ADAM23: variants seen among roughly 807,000 people sequenced by gnomAD.
ADAM23 encodes the protein ADAM metallopeptidase domain 23.
Under a neutral mutation model 120.1 loss-of-function variants are expected in ADAM23, and 33 were observed. That is an observed-to-expected ratio of 0.27 (90% CI 0.21 to 0.37). The LOEUF (loss-of-function observed/expected upper bound fraction) is 0.37, where lower values mean the gene tolerates loss of function less well. Ranked by LOEUF, ADAM23 falls within the 10% of genes least tolerant of loss-of-function variation. The pLI is 1.00. For synonymous variants in ADAM23, 367 were observed against 375.2 expected, an observed-to-expected ratio of 0.98 and a Z score of 0.25; for missense variants, 862 against 1,058.2, an observed-to-expected ratio of 0.81 and a Z score of 2.57.
chr2:206,566,125 T>G (rs1486429590), intron 14 of ADAM23, among the ~76,000 whole-genome samples: 1 of 151,136 alleles, frequency 6.6e-6, no homozygotes, highest in African/African-American at 2.4e-5. Flanking sequence ...GGGAGATGTC[T>G]TCTGTCTTCT....
At chr2:206,518,905 T>A (rs574222374) in intron 3 of ADAM23, among the ~76,000 whole-genome samples, 2 of 152,358 alleles carry the variant, frequency 1.3e-5, no homozygotes, top group South Asian at 4.1e-4. Context: ...ACAAAGCATG[T>A]ATCAAATAGA....
intron 21 of ADAM23, 107 bp downstream of exon 21, chr2:206,589,621 C>G (rs868681496): frequency 1.2e-6 from 1 of 823,032 alleles, no homozygotes. Flanking sequence ...TAAGTGTTCA[C>G]CATTCCAAAA....
chr2:206,553,420 A>G (rs571032427), intron 9 of ADAM23, among the ~76,000 whole-genome samples: 41 of 152,312 alleles, frequency 2.7e-4, no homozygotes, highest in Non-Finnish European at 5.4e-4. Context: ...TGGGCGACAG[A>G]GTGAGACTCC....
At chr2:206,581,616 A>G (rs1228714739) in intron 18 of ADAM23, among the ~76,000 whole-genome samples, 1 of 152,126 alleles carries the variant, frequency 6.6e-6, no homozygotes, top group Admixed American at 6.6e-5. Context: ...TCTTAAATTT[A>G]TTGAGGCTTG....
chr2:206,454,360 TG>T (rs1160611060), intron 2 of ADAM23, among the ~76,000 whole-genome samples: 1 of 152,132 alleles, frequency 6.6e-6, no homozygotes, highest in African/African-American at 2.4e-5. Flanking sequence ...GAGAACAGCA[TG>T]GGGCAGTCTG....
chr2:206,595,625 A>G (rs925152915), intron 23 of ADAM23, among the ~76,000 whole-genome samples: 24 of 152,166 alleles, frequency 1.6e-4, no homozygotes, highest in African/African-American at 5.6e-4. Flanking sequence ...TTTTGAGCCC[A>G]CTGTCTATTA....
intron 2 of ADAM23, among the ~76,000 whole-genome samples, chr2:206,461,855 TG>T (rs1264625916): frequency 6.6e-6 from 1 of 152,138 alleles, no homozygotes; most frequent in Non-Finnish European, 1.5e-5. Flanking sequence ...GCATGTTAGA[TG>T]GAGAGTAGGA....
Position 206,478,408 on chromosome 2 carries a change from G to GT in ADAM23, c.433-2814dup, listed in dbSNP as rs564014244. On this transcript the variant is annotated intron_variant, in intron 2 of 25. Coordinates refer to ENST00000264377, the MANE Select transcript of ADAM23 (RefSeq NM_003812.4). ...TTACTGATAAAGGTAATAAAATCAG[G>GT]TTTTTTTTTTCCTATGGATAAACAG... Among the ~76,000 whole-genome samples, 1,381 of 149,208 alleles carry GT rather than the reference G, an allele frequency of 9.3e-3. 8 individuals are homozygous for GT. The highest frequency in any genetic ancestry group is 0.016 in the African/African-American group (649 of 40,750).
Position 206,559,948 on chromosome 2 carries a change from C to T in ADAM23, c.1006-7C>T. 1 of 1,610,790 alleles carries T rather than the reference C, an allele frequency of 6.2e-7. No individual in the cohort carries two copies. The highest frequency in any genetic ancestry group is 8.5e-7 in the Non-Finnish European group (1 of 1,178,516). On this transcript the variant is annotated splice_region_variant and splice_polypyrimidine_tract_variant and intron_variant, in intron 10 of 25. Transcript: ENST00000264377. ...CCTCCTGCACCTGTCCTGTTGTATA[C>T]CCTCAGATTTACAAGGAGCAGCTCA...
intron 3 of ADAM23, among the ~76,000 whole-genome samples, chr2:206,528,864 C>T (rs1367733649): frequency 6.6e-6 from 1 of 152,168 alleles, no homozygotes; most frequent in Non-Finnish European, 1.5e-5. Context: ...GGGACCTACT[C>T]TTGTCCTTCA....
In ADAM23 at chr2:206,481,371, C is replaced by T. The variant is rs376458509; in HGVS notation, c.509+63C>T. 1,337 of 1,239,560 alleles carry T rather than the reference C, an allele frequency of 1.1e-3. 25 individuals carry two copies. In the South Asian group the frequency reaches 0.017, roughly 16 times the overall value. The allele number at this position is 1,239,560 out of a possible 1,614,324, so 76.8% of individuals were successfully genotyped here. On this transcript the variant is annotated intron_variant, in intron 3 of 25. Coordinates refer to ENST00000264377, the MANE Select transcript of ADAM23 (RefSeq NM_003812.4). ...CAATAAAGCTTTGTTTTTATAATAT[C>T]GGTTTAGTCAAAATAATGTCTGTTG...
At chr2:206,599,577 T>C (rs1457052114) in intron 24 of ADAM23, among the ~76,000 whole-genome samples, 1 of 152,190 alleles carries the variant, frequency 6.6e-6, no homozygotes. Context: ...TATTATTTTG[T>C]TTTTGATTGT....
At chr2:206,584,378 T>C (rs905618760) in intron 18 of ADAM23, among the ~76,000 whole-genome samples, 2 of 152,202 alleles carry the variant, frequency 1.3e-5, no homozygotes, top group African/African-American at 2.4e-5. Context: ...TCAGCTGTAG[T>C]AGTGTGGAGA....
intron 3 of ADAM23, among the ~76,000 whole-genome samples, chr2:206,507,421 T>G (rs1433663445): frequency 6.6e-6 from 1 of 152,212 alleles, no homozygotes; most frequent in East Asian, 1.9e-4. Context: ...CCCCCTTGCA[T>G]CCTCTTCCTC....
chr2:206,537,551 G>T (rs909420252), intron 4 of ADAM23, among the ~76,000 whole-genome samples: 4 of 151,956 alleles, frequency 2.6e-5, no homozygotes, highest in Non-Finnish European at 2.9e-5. Flanking sequence ...ACCTCTTTCT[G>T]CTTCCTTTCC....
intron 2 of ADAM23, among the ~76,000 whole-genome samples, chr2:206,455,424 G>A (rs1357371870): frequency 6.6e-6 from 1 of 152,126 alleles, no homozygotes; most frequent in South Asian, 2.1e-4. Context: ...ATGATGGGAG[G>A]GGCTGCCATG....
intron 9 of ADAM23, among the ~76,000 whole-genome samples, chr2:206,556,113 A>T (rs941449928): frequency 1.3e-5 from 2 of 152,176 alleles, no homozygotes; most frequent in African/African-American, 4.8e-5. Context: ...TCAGATTATG[A>T]TGTACAGTAG....
At chr2:206,600,159 G>A (rs1381132391) in intron 24 of ADAM23, among the ~76,000 whole-genome samples, 5 of 152,106 alleles carry the variant, frequency 3.3e-5, no homozygotes, top group African/African-American at 7.2e-5. Context: ...CTGAGATCGC[G>A]ACACTGCACT....
chr2:206,516,225 A>G (rs1408375924), intron 3 of ADAM23, among the ~76,000 whole-genome samples: 1 of 150,434 alleles, frequency 6.6e-6, no homozygotes, highest in Non-Finnish European at 1.5e-5. Context: ...AGATTTGGGC[A>G]TTTTTATTAA....
Sources: allele counts gnomAD v4.1 joint callset (sites outside exome capture counted in the v4.1 genomes callset), GRCh38; gene constraint gnomAD v4.1.1; transcripts MANE v1.5; gene names NCBI Gene and HGNC (gene_info 2026-07-23, HGNC 2026-07-21).